ZNF502: variants seen among roughly 807,000 people sequenced by gnomAD.
The protein encoded by ZNF502 is zinc finger protein 502.
Under a neutral mutation model 43.6 loss-of-function variants are expected in ZNF502, and 29 were observed. That is an observed-to-expected ratio of 0.67 (90% CI 0.50 to 0.91). ZNF502 has a LOEUF of 0.91. Ranked by LOEUF, ZNF502 falls within the 40% of genes least tolerant of loss-of-function variation. The pLI is 0.00. For synonymous variants in ZNF502, 171 were observed against 207.4 expected (o/e 0.82, Z 1.51); for missense variants, 591 against 647.2 (o/e 0.91, Z 0.94).
chr3:44,722,472 AC>A lies in ZNF502; in HGVS notation c.*21del. 1 of 1,591,348 alleles carries A rather than the reference AC, an allele frequency of 6.3e-7. No individual in the cohort carries two copies. The highest frequency in any genetic ancestry group is 1.7e-5 in the Admixed American group (1 of 58,462). ...GACTAATGCTGCCATTTAGGTTATGACAGTTTCTCTAGCGAGGATGACTACG... is the reference window on the plus strand; with the variant it reads ...GACTAATGCTGCCATTTAGGTTATGAAGTTTCTCTAGCGAGGATGACTACG... On this transcript the variant is annotated 3_prime_UTR_variant, in exon 3 of 3. Transcript: ENST00000436624.
rs1480842298 is a variant in ZNF502, at chr3:44,723,751, G to A, written c.*1299G>A. The A allele has an allele frequency of 6.6e-6, 1 of 151,830 alleles. No individual in the cohort carries two copies. Among genetic ancestry groups the A allele is most frequent in the African/African-American group, 2.4e-5 (1 of 41,282 alleles). 9.4% of individuals were successfully genotyped at this position (151,830 alleles called of 1,614,324 possible). ...GAAGATTGAGGATAGCCTTTGATTGGTATTTAAAATAATTTCTAAGCTGTG... is the reference window on the plus strand; with the variant it reads ...GAAGATTGAGGATAGCCTTTGATTGATATTTAAAATAATTTCTAAGCTGTG... On this transcript the variant is annotated 3_prime_UTR_variant, in exon 3 of 3. Transcript: ENST00000436624.
At chr3:44,716,218 G>A (rs976812365) in intron 1 of ZNF502, among the ~76,000 whole-genome samples, 5 of 144,168 alleles carry the variant, frequency 3.5e-5, no homozygotes, top group East Asian at 2.0e-4. Context: ...ACGGAGTTTC[G>A]CTCTTGTCGC....
At chr3:44,715,531 AT>A (rs1328608083) in intron 1 of ZNF502, among the ~76,000 whole-genome samples, 18 of 152,120 alleles carry the variant, frequency 1.2e-4, no homozygotes. Context: ...GTTTACCATA[AT>A]TTTATTCTTC....
At chr3:44,714,893 G>T (rs1023296347) in intron 1 of ZNF502, among the ~76,000 whole-genome samples, 3 of 152,240 alleles carry the variant, frequency 2.0e-5, no homozygotes, top group African/African-American at 7.2e-5. Flanking sequence ...TGGGCTATTG[G>T]CAGAGCAAAC....
At chr3:44,717,367 C>A (rs1014362687) in intron 1 of ZNF502, among the ~76,000 whole-genome samples, 3 of 132,552 alleles carry the variant, frequency 2.3e-5, no homozygotes, top group Admixed American at 2.2e-4. Context: ...GAGACAGGAT[C>A]TTGTTTTGTT....
rs1440996372 is a variant in ZNF502, at chr3:44,721,977, C to A, written c.1160C>A (p.Ala387Glu). Residue 387 changes from alanine to glutamate, a missense_variant, in exon 3 of 3, where the codon GCG (alanine) becomes GAG (glutamate). Physicochemically the swap from Ala to Glu is moderately radical, Grantham distance 107. Transcript: ENST00000436624. ...KPYKCKECGK[A>E]FTQSTPLTKH... ...TATAAGTGTAAAGAATGTGGCAAAG[C>A]GTTTACTCAGAGCACCCCACTCACT... The A allele has an allele frequency of 2.5e-6, 4 of 1,614,142 alleles. No homozygotes were observed. In the East Asian group the frequency reaches 8.9e-5, roughly 36 times the overall value.
intron 1 of ZNF502, among the ~76,000 whole-genome samples, chr3:44,716,171 AG>A (rs1370545399): frequency 4.0e-5 from 6 of 151,526 alleles, no homozygotes; most frequent in Non-Finnish European, 5.9e-5. Flanking sequence ...TAGAATTACT[AG>A]GTCAAAGAAT....
chr3:44,719,821 C>T (rs1219699329), intron 1 of ZNF502, among the ~76,000 whole-genome samples: 1 of 152,180 alleles, frequency 6.6e-6, no homozygotes. Context: ...TGCTATACAA[C>T]TTTTAACTAT....
rs888347345 is a variant in ZNF502 at position 44,723,434 on chromosome 3, C to G, written c.*982C>G. 1 of 152,162 alleles carries G rather than the reference C, an allele frequency of 6.6e-6. No homozygotes were observed. The highest frequency in any genetic ancestry group is 1.5e-5 in the Non-Finnish European group (1 of 68,028). 9.4% of individuals were successfully genotyped at this position (152,162 alleles called of 1,614,324 possible). On this transcript the variant is annotated 3_prime_UTR_variant, in exon 3 of 3. Coordinates refer to ENST00000436624, the MANE Select transcript of ZNF502 (RefSeq NM_001134442.3). ...GAGACACACTAGGACTAACAATGTC[C>G]TAACAAAATGGTACTTAGTTTGTTG...
In ZNF502 at chr3:44,721,042, A is replaced by G; in HGVS notation, c.225A>G (p.Ser75=). 6.2e-7 allele frequency: 1 copy of G among 1,614,154 alleles called. No individual in the cohort carries two copies. Among genetic ancestry groups the G allele is most frequent in the Non-Finnish European group, 8.5e-7 (1 of 1,180,002 alleles). The change falls in exon 3 of 3, where the codon TCA becomes TCG. Residue 75 remains serine, a synonymous_variant. Transcript: ENST00000436624. The stretch of plus-strand genomic sequence containing the variant: ...ACTCTCCTAGGGAGATTGCTGAATC[A>G]TGCCTTTTCCAGGAAGGAGGTTTTG... The part of the protein sequence containing the change: ...KENSPREIAE[S]CLFQEGGFGR...
intron 1 of ZNF502, among the ~76,000 whole-genome samples, chr3:44,719,086 G>A (rs1455322902): frequency 3.3e-5 from 5 of 151,226 alleles, no homozygotes; most frequent in Admixed American, 6.6e-5. Flanking sequence ...TGATTCTCCC[G>A]CCTCATTCTC....
intron 1 of ZNF502, among the ~76,000 whole-genome samples, chr3:44,716,766 G>A (rs1022075198): frequency 3.3e-5 from 5 of 152,278 alleles, no homozygotes; most frequent in South Asian, 2.1e-4. Context: ...CCAGTTTGAT[G>A]TAAAAATTGA....
chr3:44,718,697 C>T (rs1244816824), intron 1 of ZNF502, among the ~76,000 whole-genome samples: 2 of 152,156 alleles, frequency 1.3e-5, no homozygotes, highest in Non-Finnish European at 2.9e-5. Context: ...TATTAGGTCC[C>T]CTGTGCTTTA....
chr3:44,717,137 C>A (rs1704165430), intron 1 of ZNF502, among the ~76,000 whole-genome samples: 1 of 151,926 alleles, frequency 6.6e-6, no homozygotes, highest in Non-Finnish European at 1.5e-5. Context: ...TGTGGTTTTA[C>A]TTTTTTTATT....
Position 44,722,374 on chromosome 3 carries a change from T to C in ZNF502, c.1557T>C (p.Tyr519=), listed in dbSNP as rs761746885. 6.2e-7 allele frequency: 1 copy of C among 1,614,252 alleles called. No homozygotes were observed. The highest frequency in any genetic ancestry group is 1.7e-5 in the Admixed American group (1 of 60,038). The part of the protein sequence containing the change: ...HYRIHTGEKP[Y]ECIECGKFFR... ...GAATTCACACTGGTGAGAAGCCTTA[T>C]GAGTGTATTGAGTGTGGAAAGTTCT... Residue 519 remains tyrosine (Y), a synonymous_variant, in exon 3 of 3, where the codon TAT becomes TAC. Transcript: ENST00000436624.
chr3:44,719,368 T>C (rs1174527594), intron 1 of ZNF502, among the ~76,000 whole-genome samples: 1 of 152,256 alleles, frequency 6.6e-6, no homozygotes, highest in Non-Finnish European at 1.5e-5. Context: ...AGCAGACTTA[T>C]TTTATTCTTT....
rs1704358126 is a variant in ZNF502 at position 44,721,916 on chromosome 3, AT to A, written c.1101del (p.Lys368AsnfsTer87). The A allele has an allele frequency of 6.2e-7, 1 of 1,614,158 alleles. No homozygotes were observed. The highest frequency in any genetic ancestry group is 1.3e-5 in the African/African-American group (1 of 75,064). ...AGCCTTTTGTCAGAGCCCATCTCTT[AT>A]TAAACACCAGCGAATTCATACTGGA... Reference protein sequence around the residue: ...GKAFCQSPSLIKHQRIHTGEK... With the variant: ...GKAFCQSPSLXKHQRIHTGEK... On this transcript the variant is annotated frameshift_variant, in exon 3 of 3. Transcript: ENST00000436624. LOFTEE classifies it high-confidence loss of function.
At chr3:44,716,708 C>T (rs1704155937) in intron 1 of ZNF502, among the ~76,000 whole-genome samples, 1 of 152,192 alleles carries the variant, frequency 6.6e-6, no homozygotes. Flanking sequence ...ATGTGAGAAA[C>T]TCCCTGTACC....
At chr3:44,713,279 A>G (rs1232758988) in intron 1 of ZNF502, among the ~76,000 whole-genome samples, 1 of 152,194 alleles carries the variant, frequency 6.6e-6, no homozygotes, top group African/African-American at 2.4e-5. Context: ...GACAGCTTGT[A>G]TGTGATAGCA....
Sources: allele counts gnomAD v4.1 joint callset (sites outside exome capture counted in the v4.1 genomes callset), GRCh38; gene constraint gnomAD v4.1.1; transcripts MANE v1.5; gene names NCBI Gene and HGNC (gene_info 2026-07-23, HGNC 2026-07-21).